Variants in UBE4B observed in about 807,000 individuals in gnomAD.
UBE4B encodes ubiquitination factor E4B.
A neutral mutation model predicts 148.1 loss-of-function variants in UBE4B; 27 were observed. That is an observed-to-expected ratio of 0.18 (90% CI 0.13 to 0.25). UBE4B has a LOEUF of 0.25. UBE4B is among the 10% of genes least tolerant of loss of function. The pLI, the probability that UBE4B is intolerant of heterozygous loss-of-function variation, is 1.00. For missense variants in UBE4B, 1,170 were observed against 1,662.4 expected (o/e 0.70, Z 5.15); for synonymous variants, 596 against 619.3 (o/e 0.96, Z 0.56).
chr1:10,175,674 T>G (rs1195258066), intron 25 of UBE4B, among the ~76,000 whole-genome samples: 2 of 151,000 alleles, frequency 1.3e-5, no homozygotes, highest in African/African-American at 4.8e-5. Flanking sequence ...AATAAATAAA[T>G]AAAAAAGAAA....
chr1:10,044,749 T>G (rs925696244), intron 1 of UBE4B, among the ~76,000 whole-genome samples: 8 of 152,040 alleles, frequency 5.3e-5, no homozygotes, highest in Non-Finnish European at 1.0e-4. Context: ...GCCCGGCTAA[T>G]TTTTTGTATT....
intron 2 of UBE4B, among the ~76,000 whole-genome samples, chr1:10,075,635 T>G (rs1644564343): frequency 2.0e-5 from 3 of 152,258 alleles, no homozygotes; most frequent in South Asian, 4.1e-4. Context: ...TCATCATTAT[T>G]CATAATCACA....
At chr1:10,095,810 C>T (rs188892553) in intron 3 of UBE4B, among the ~76,000 whole-genome samples, 145 of 152,310 alleles carry the variant, frequency 9.5e-4, no homozygotes, top group African/African-American at 3.0e-3. Flanking sequence ...TTCACTCTGT[C>T]GCCCAGGCTG....
chr1:10,162,829 G>A (rs149984077), intron 23 of UBE4B, among the ~76,000 whole-genome samples: 34 of 151,854 alleles, frequency 2.2e-4, no homozygotes, highest in East Asian at 1.2e-3. Context: ...TCCCGTCTCC[G>A]TCCATGTGTA....
chr1:10,105,995 C>G (rs556920637), intron 6 of UBE4B, among the ~76,000 whole-genome samples: 69 of 152,102 alleles, frequency 4.5e-4, no homozygotes, highest in African/African-American at 1.7e-3. Flanking sequence ...CATCATTCTT[C>G]GAATGGGGAC....
At chr1:10,114,356 C>A (rs1645271845) in intron 7 of UBE4B, among the ~76,000 whole-genome samples, 1 of 152,170 alleles carries the variant, frequency 6.6e-6, no homozygotes, top group African/African-American at 2.4e-5. Flanking sequence ...TTGAAACTAA[C>A]TAAAATTGCT....
intron 1 of UBE4B, among the ~76,000 whole-genome samples, chr1:10,043,856 C>T (rs1643864863): frequency 6.6e-6 from 1 of 152,150 alleles, no homozygotes; most frequent in South Asian, 2.1e-4. Context: ...CAGTTGAGTG[C>T]TACAGTGTTA....
rs187595495 is a variant in UBE4B at position 10,081,311 on chromosome 1, C to T, written c.211+9097C>T. On this transcript the variant is annotated intron_variant, in intron 2 of 27. Coordinates refer to ENST00000343090, the MANE Select transcript of UBE4B (RefSeq NM_001105562.3). ...CCGATGTCAGATGATCTGCCCACCTCGGTCTCCCAAAGTGCTGGGATTACA... is the reference window on the plus strand; with the variant it reads ...CCGATGTCAGATGATCTGCCCACCTTGGTCTCCCAAAGTGCTGGGATTACA... Among the ~76,000 whole-genome samples, 11 of 152,184 alleles carry T rather than the reference C, an allele frequency of 7.2e-5. No homozygotes were observed. The East Asian group carries it at 1.5e-3, about 21-fold the overall frequency.
chr1:10,175,831 AAT>A (rs1269304587), intron 25 of UBE4B, among the ~76,000 whole-genome samples: 5 of 152,014 alleles, frequency 3.3e-5, no homozygotes, highest in Non-Finnish European at 5.9e-5. Context: ...TTTCTTCTTT[AAT>A]GAGGTAAGAT....
chr1:10,152,259 AAAT>A (rs60838123), intron 21 of UBE4B, among the ~76,000 whole-genome samples: 29,465 of 141,154 alleles, frequency 0.21, 5,276 homozygotes, highest in African/African-American at 0.5. Context: ...ACTCCGTCTC[AAAT>A]AATAATAATA....
chr1:10,135,273 C>G (rs775927157), intron 16 of UBE4B, 87 bp downstream of exon 16: 6 of 1,298,988 alleles, frequency 4.6e-6, no homozygotes, highest in African/African-American at 1.5e-5. Flanking sequence ...TACCACCTCA[C>G]CATAAAATGA....
chr1:10,169,200 G>A (rs1646301373), intron 24 of UBE4B, among the ~76,000 whole-genome samples: 1 of 152,216 alleles, frequency 6.6e-6, no homozygotes, highest in South Asian at 2.1e-4. Context: ...AAAGTTTTAT[G>A]GTGTGGCCAG....
chr1:10,126,650 A>C (rs1645503742), intron 10 of UBE4B, 144 bp from the exon 11 acceptor site: 1 of 664,562 alleles, frequency 1.5e-6, no homozygotes, highest in South Asian at 2.0e-5. Flanking sequence ...ACTCTGGCTG[A>C]ATTCTAGACT....
rs1557554186 is a variant in UBE4B, at chr1:10,103,019, T to C, written c.507T>C (p.Ser169=). The C allele has an allele frequency of 6.2e-7, 1 of 1,613,716 alleles. No individual in the cohort carries two copies. The highest frequency in any genetic ancestry group is 2.2e-5 in the East Asian group (1 of 44,882). ...LQLVCKIFRV[S]WKDRDRDVIF... ...TGGTCTGTAAGATCTTCCGTGTCTC[T>C]TGGAAGGACCGGGACAGAGATGTCA... The change falls in exon 5 of 28, where the codon TCT becomes TCC. Residue 169 remains serine, a synonymous_variant. Transcript: ENST00000343090.
intron 1 of UBE4B, among the ~76,000 whole-genome samples, chr1:10,041,335 CTTT>C (rs573440480): frequency 1.8e-4 from 24 of 132,078 alleles, no homozygotes; most frequent in Admixed American, 3.1e-4. Flanking sequence ...TTTTGGCATT[CTTT>C]TTTTTTTTTT....
intron 1 of UBE4B, among the ~76,000 whole-genome samples, chr1:10,063,229 C>T (rs1395987920): frequency 6.6e-6 from 1 of 152,018 alleles, no homozygotes; most frequent in Non-Finnish European, 1.5e-5. Context: ...AACCGTGCCT[C>T]TGCACTCCCG....
intron 11 of UBE4B, among the ~76,000 whole-genome samples, chr1:10,127,239 G>A (rs1645515773): frequency 6.6e-6 from 1 of 151,512 alleles, no homozygotes. Flanking sequence ...AAATAAAAAA[G>A]GCAAAGCTGT....
intron 19 of UBE4B, among the ~76,000 whole-genome samples, chr1:10,147,942 T>C (rs1218214323): frequency 6.6e-6 from 1 of 152,216 alleles, no homozygotes; most frequent in Admixed American, 6.5e-5. Context: ...AAAATATGTG[T>C]GTAGGCCGGG....
At position 10,109,131 on chromosome 1, in the gene UBE4B, T is replaced by C. The variant is rs142071435; in HGVS notation, c.1196+2548T>C. On this transcript the variant is annotated intron_variant, in intron 7 of 27. Coordinates refer to ENST00000343090, the MANE Select transcript of UBE4B (RefSeq NM_001105562.3). ...CTCATGGAGCATTGTGCGCCAGATGTGGTGTCAGCTCTGTCCATGTATCAG... is the reference window on the plus strand; with the variant it reads ...CTCATGGAGCATTGTGCGCCAGATGCGGTGTCAGCTCTGTCCATGTATCAG... Among the ~76,000 whole-genome samples the C allele has an allele frequency of 2.6e-5, 4 of 152,178 alleles. No individual in the cohort carries two copies. In the East Asian group the frequency reaches 5.8e-4, roughly 22 times the overall value.
Sources: gnomAD v4.1 joint callset for allele counts (sites outside exome capture counted in the v4.1 genomes callset) on GRCh38, gnomAD v4.1.1 for gene constraint, MANE v1.5 for transcripts, NCBI Gene and HGNC (gene_info 2026-07-23, HGNC 2026-07-21) for gene names.